KRABD5: variants seen among roughly 807,000 people sequenced by gnomAD.
KRABD5 encodes the protein KRAB domain containing 5.
the KRABD5 span, among the ~76,000 whole-genome samples, chr16:31,749,517 C>T: frequency 6.6e-6 from 1 of 152,224 alleles, no homozygotes; most frequent in Non-Finnish European, 1.5e-5. Flanking sequence ...TAAGCAGATT[C>T]CAGCTGAGAG....
At chr16:31,741,600 T>A in the KRABD5 span, among the ~76,000 whole-genome samples, 2 of 152,200 alleles carry the variant, frequency 1.3e-5, no homozygotes, top group Non-Finnish European at 2.9e-5. Flanking sequence ...GCTGCTTGTA[T>A]GTCTTCTTTT....
the KRABD5 span, among the ~76,000 whole-genome samples, chr16:31,743,789 T>C: frequency 6.6e-6 from 1 of 152,214 alleles, no homozygotes; most frequent in Non-Finnish European, 1.5e-5. Context: ...GTGTCCTCTC[T>C]TATTTTCTTG....
At chr16:31,755,558 A>T in the KRABD5 span, 2 of 463,292 alleles carry the variant, frequency 4.3e-6, no homozygotes, top group Non-Finnish European at 8.8e-6. Context: ...ATATATATGT[A>T]AGGATTGTGG....
At chr16:31,753,768 A>G in the KRABD5 span, 2 of 1,480,022 alleles carry the variant, frequency 1.4e-6, no homozygotes, top group Admixed American at 5.4e-5. Flanking sequence ...TCTTTCAGAT[A>G]TCTTTTCTCA....
the KRABD5 span, chr16:31,754,583 A>T: frequency 4.0e-6 from 2 of 497,092 alleles, no homozygotes. Flanking sequence ...TCATGAATGC[A>T]CCAACCATGT....
the KRABD5 span, among the ~76,000 whole-genome samples, chr16:31,744,642 T>C: frequency 2.0e-5 from 3 of 152,364 alleles, no homozygotes; most frequent in East Asian, 5.8e-4. Flanking sequence ...CTTCATAAAC[T>C]GAGTTATTGA....
At chr16:31,759,342 T>C in the KRABD5 span, 1 of 1,535,166 alleles carries the variant, frequency 6.5e-7, no homozygotes, top group Non-Finnish European at 8.8e-7. Flanking sequence ...TTATGTATTT[T>C]GTATTTTATT....
the KRABD5 span, among the ~76,000 whole-genome samples, chr16:31,740,164 G>A: frequency 6.6e-6 from 1 of 152,186 alleles, no homozygotes; most frequent in African/African-American, 2.4e-5. Flanking sequence ...CTGTGTGTGT[G>A]TCTTTAATTC....
At chr16:31,748,971 G>A in the KRABD5 span, among the ~76,000 whole-genome samples, 11 of 152,228 alleles carry the variant, frequency 7.2e-5, no homozygotes, top group Admixed American at 7.2e-4. Flanking sequence ...ATTTAATGAA[G>A]CACTTTGTCC....
the KRABD5 span, among the ~76,000 whole-genome samples, chr16:31,731,052 T>C: frequency 1.4e-4 from 21 of 152,250 alleles, no homozygotes; most frequent in Non-Finnish European, 2.4e-4. Flanking sequence ...TCTTTGGAGA[T>C]GATTACTATG....
chr16:31,723,477 A>C, the KRABD5 span: 9 of 922,820 alleles, frequency 9.8e-6, no homozygotes, highest in Middle Eastern at 3.4e-4. Context: ...ACCTGGGTTT[A>C]TTTCTTTCTC....
At chr16:31,753,778 A>G in the KRABD5 span, 382 of 1,495,132 alleles carry the variant, frequency 2.6e-4, no homozygotes, top group Non-Finnish European at 3.3e-4. Context: ...ATCTTTTCTC[A>G]TGATACTCAA....
the KRABD5 span, among the ~76,000 whole-genome samples, chr16:31,716,997 GTTTTTTTTTTTTTTT>G: frequency 2.0e-3 from 163 of 81,186 alleles, no homozygotes; most frequent in African/African-American, 7.7e-3. Flanking sequence ...GTCAGTCTTT[GTTTTTTTTTTTTTTT>G]TTTTTTTTGA....
At chr16:31,748,424 G>A in the KRABD5 span, among the ~76,000 whole-genome samples, 3 of 152,324 alleles carry the variant, frequency 2.0e-5, no homozygotes, top group Non-Finnish European at 2.9e-5. Flanking sequence ...CAGGTAGCGT[G>A]ATGCCTCCAG....
chr16:31,754,011 T>C, the KRABD5 span: 3 of 1,294,040 alleles, frequency 2.3e-6, no homozygotes, highest in Non-Finnish European at 3.3e-6. Context: ...AAAAACTCAA[T>C]TTATGTCAGT....
chr16:31,738,688 G>A, the KRABD5 span, among the ~76,000 whole-genome samples: 10 of 152,056 alleles, frequency 6.6e-5, no homozygotes, highest in African/African-American at 2.2e-4. Context: ...TTACTGAAAG[G>A]TATGACTCAC....
the KRABD5 span, among the ~76,000 whole-genome samples, chr16:31,718,083 A>G: frequency 6.6e-6 from 1 of 152,102 alleles, no homozygotes; most frequent in East Asian, 1.9e-4. Flanking sequence ...TGAGAATCTC[A>G]ACATTCCCCT....
the KRABD5 span, among the ~76,000 whole-genome samples, chr16:31,718,337 C>T: frequency 6.6e-6 from 1 of 152,200 alleles, no homozygotes; most frequent in Non-Finnish European, 1.5e-5. Flanking sequence ...CTGGGATCCA[C>T]AAGACAGGGC....
At chr16:31,722,743 G>A in the KRABD5 span, 1 of 1,602,156 alleles carries the variant, frequency 6.2e-7, no homozygotes, top group Non-Finnish European at 8.5e-7. Flanking sequence ...CGGAAACCTG[G>A]TCTCTCTGGG....
Sources: allele counts gnomAD v4.1 joint callset (sites outside exome capture counted in the v4.1 genomes callset), GRCh38; gene constraint gnomAD v4.1.1; transcripts MANE v1.5; gene names NCBI Gene and HGNC (gene_info 2026-07-23, HGNC 2026-07-21).